Variants in FARS2 observed in about 807,000 individuals in gnomAD.
FARS2 encodes phenylalanyl-tRNA synthetase 2, mitochondrial, also known as phenylalanine--tRNA ligase, mitochondrial.
FARS2 carries 40 observed loss-of-function variants against 46.4 expected under a neutral mutation model. The ratio of observed to expected loss-of-function variants is 0.86; its 90% CI spans 0.67 to 1.12. The LOEUF is 1.12. FARS2 is among the 50% of genes most tolerant of loss of function. The pLI is 0.00. For missense variants in FARS2, 513 were observed against 567.9 expected (o/e 0.90, Z 0.98); for synonymous variants, 234 against 214.9 (o/e 1.09, Z -0.78).
At chr6:5,587,646 A>G (rs1276980942) in intron 5 of FARS2, among the ~76,000 whole-genome samples, 2 of 152,206 alleles carry the variant, frequency 1.3e-5, no homozygotes, top group Non-Finnish European at 1.5e-5. Context: ...AGATTCTGAG[A>G]ATCTTATGAA....
At chr6:5,488,995 C>G (rs9504413) in intron 4 of FARS2, among the ~76,000 whole-genome samples, 20,143 of 152,156 alleles carry the variant, frequency 0.13, 1,550 homozygotes, top group Non-Finnish European at 0.17. Flanking sequence ...AAAATTCTAC[C>G]TTTCTGGAGC....
At chr6:5,641,514 C>G (rs991350892) in intron 6 of FARS2, among the ~76,000 whole-genome samples, 3 of 152,132 alleles carry the variant, frequency 2.0e-5, no homozygotes, top group Non-Finnish European at 4.4e-5. Flanking sequence ...CCAGGCTGGT[C>G]TCAAACCCCT....
chr6:5,329,285 A>C (rs971862416), intron 1 of FARS2, among the ~76,000 whole-genome samples: 1 of 152,192 alleles, frequency 6.6e-6, no homozygotes, highest in Non-Finnish European at 1.5e-5. Context: ...TATCTTATTC[A>C]GTTTCTCCCA....
At chr6:5,370,036 T>C (rs1758952216) in intron 2 of FARS2, among the ~76,000 whole-genome samples, 1 of 152,226 alleles carries the variant, frequency 6.6e-6, no homozygotes, top group Non-Finnish European at 1.5e-5. Flanking sequence ...TATTTCATTT[T>C]ACTTCCTTAG....
At chr6:5,690,952 C>G (rs1757661923) in intron 6 of FARS2, among the ~76,000 whole-genome samples, 1 of 152,180 alleles carries the variant, frequency 6.6e-6, no homozygotes, top group Admixed American at 6.5e-5. Flanking sequence ...TTCATTTGAT[C>G]TTCCATCACT....
chr6:5,566,293 CTACT>C (rs1261443071), intron 5 of FARS2, among the ~76,000 whole-genome samples: 1 of 152,240 alleles, frequency 6.6e-6, no homozygotes, highest in East Asian at 1.9e-4. Context: ...TGATTTATAA[CTACT>C]ATCAGCCATC....
At chr6:5,381,403 AC>A in intron 2 of FARS2, among the ~76,000 whole-genome samples, 1 of 112,576 alleles carries the variant, frequency 8.9e-6, no homozygotes, top group Non-Finnish European at 1.7e-5. Context: ...ACACACACAC[AC>A]ATACACACAC....
chr6:5,618,740 A>G (rs901847929), intron 6 of FARS2, among the ~76,000 whole-genome samples: 7 of 152,218 alleles, frequency 4.6e-5, no homozygotes, highest in African/African-American at 1.7e-4. Flanking sequence ...CACTTAATCT[A>G]TGGGCCACTT....
chr6:5,325,173 C>A (rs374457917), intron 1 of FARS2, among the ~76,000 whole-genome samples: 1 of 152,230 alleles, frequency 6.6e-6, no homozygotes, highest in Non-Finnish European at 1.5e-5. Context: ...TCCCTCACCC[C>A]CTTGTAAGCT....
intron 4 of FARS2, among the ~76,000 whole-genome samples, chr6:5,517,266 G>A (rs1582329567): frequency 6.6e-6 from 1 of 152,202 alleles, no homozygotes; most frequent in Non-Finnish European, 1.5e-5. Flanking sequence ...CATGTGGCTA[G>A]TGAACACTTG....
intron 1 of FARS2, among the ~76,000 whole-genome samples, chr6:5,360,456 A>G (rs1758227803): frequency 6.6e-6 from 1 of 152,220 alleles, no homozygotes; most frequent in Non-Finnish European, 1.5e-5. Flanking sequence ...GTCATTTGGC[A>G]TGAAAAATGT....
chr6:5,285,909 A>G (rs760579238), intron 1 of FARS2, among the ~76,000 whole-genome samples: 11 of 152,180 alleles, frequency 7.2e-5, no homozygotes, highest in Non-Finnish European at 1.3e-4. Flanking sequence ...TTGTTAAGAA[A>G]GTTCATACCT....
upstream of FARS2, chr6:5,260,527 C>T (rs745826762): frequency 1.3e-5 from 18 of 1,357,452 alleles, no homozygotes; most frequent in Admixed American, 2.2e-5. Flanking sequence ...CCGGTCCTTG[C>T]CTCGCAGCCG....
rs964265618 is a variant in FARS2 at position 5,471,711 on chromosome 6, A to G, written c.904+40539A>G. 6.6e-6 allele frequency among the ~76,000 whole-genome samples: 1 copy of G among 152,166 alleles called. No individual in the cohort carries two copies. The highest frequency in any genetic ancestry group is 6.5e-5 in the Admixed American group (1 of 15,274). ...ATATTCTGTATGATCTTGTTGGCTC[A>G]TATTATGTGGTGATTAGAGCTGGGC... On this transcript the variant is annotated intron_variant, in intron 4 of 6. Coordinates refer to ENST00000274680, the MANE Select transcript of FARS2 (RefSeq NM_006567.5). The surrounding 1 kb of genome is among the most constrained non-coding windows in gnomAD (Gnocchi z 4.1).
intron 4 of FARS2, among the ~76,000 whole-genome samples, chr6:5,512,671 T>C (rs1768529043): frequency 6.6e-6 from 1 of 151,842 alleles, no homozygotes; most frequent in Non-Finnish European, 1.5e-5. Context: ...ATAAAGACAT[T>C]GATAATTTGG....
At chr6:5,354,539 A>G (rs2127613042) in intron 1 of FARS2, among the ~76,000 whole-genome samples, 1 of 143,626 alleles carries the variant, frequency 7.0e-6, no homozygotes, top group East Asian at 2.0e-4. Context: ...TTTGAGATGG[A>G]GTCTCACTCT....
At chr6:5,467,433 A>G (rs1337983160) in intron 4 of FARS2, among the ~76,000 whole-genome samples, 1 of 152,206 alleles carries the variant, frequency 6.6e-6, no homozygotes, top group Non-Finnish European at 1.5e-5. Context: ...ATGAGCTAAC[A>G]ACATTTGCCC....
In FARS2 at chr6:5,368,672, G is replaced by A. The variant is rs113155624; in HGVS notation, c.102G>A (p.Ser34=). Residue 34 remains serine (S), a synonymous_variant, in exon 2 of 7, where the codon TCG becomes TCA. Transcript: ENST00000274680. The part of the protein sequence containing the change: ...SRGHQHQAWG[S]RPPAAECATQ... ...GCCATCAGCACCAGGCCTGGGGATC[G>A]AGGCCTCCTGCAGCAGAGTGTGCCA... 6,002 of 1,614,138 alleles carry A rather than the reference G, an allele frequency of 3.7e-3. 141 individuals carry two copies. Among genetic ancestry groups the A allele is most frequent in the South Asian group, 0.037 (3,364 of 91,070 alleles).
intron 3 of FARS2, among the ~76,000 whole-genome samples, chr6:5,430,806 T>C (rs1276705839): frequency 6.6e-6 from 1 of 152,208 alleles, no homozygotes; most frequent in Admixed American, 6.5e-5. Context: ...TTGATTTGGT[T>C]GCAGAGGGTC....
Sources: allele counts gnomAD v4.1 joint callset (sites outside exome capture counted in the v4.1 genomes callset), GRCh38; gene constraint gnomAD v4.1.1; non-coding constraint Gnocchi (gnomAD v3.1); transcripts MANE v1.5; gene names NCBI Gene and HGNC (gene_info 2026-07-23, HGNC 2026-07-21).